Variants in PLPPR4 observed in about 807,000 individuals in gnomAD.
PLPPR4 encodes phospholipid phosphatase related 4.
A neutral mutation model predicts 56.6 loss-of-function variants in PLPPR4; 24 were observed. The observed-to-expected ratio is 0.42, with a 90% CI of 0.31 to 0.60. The LOEUF (loss-of-function observed/expected upper bound fraction) is 0.60. PLPPR4 is among the 20% of genes least tolerant of loss of function. The pLI is 0.13. For synonymous variants in PLPPR4, 326 were observed against 328.1 expected (o/e 0.99, Z 0.07); for missense variants, 654 against 885.8 (o/e 0.74, Z 3.32).
At chr1:99,289,345 T>G (rs1345771180) in intron 2 of PLPPR4, among the ~76,000 whole-genome samples, 3 of 152,134 alleles carry the variant, frequency 2.0e-5, no homozygotes, top group Non-Finnish European at 4.4e-5. Flanking sequence ...GATTTTTTAA[T>G]TCCCCAATAT....
intron 4 of PLPPR4, 44 bp downstream of exon 4, chr1:99,299,274 A>G: frequency 7.1e-7 from 1 of 1,406,286 alleles, no homozygotes; most frequent in Non-Finnish European, 1.0e-6. Context: ...TGTTTTCATT[A>G]TTCAATTGCT....
intron 2 of PLPPR4, among the ~76,000 whole-genome samples, chr1:99,294,511 C>T (rs879600823): frequency 1.3e-5 from 2 of 152,028 alleles, no homozygotes; most frequent in East Asian, 1.9e-4. Flanking sequence ...GCCTGGACAA[C>T]GAGGTGAAAC....
intron 1 of PLPPR4, among the ~76,000 whole-genome samples, chr1:99,273,114 A>G (rs568743048): frequency 6.6e-6 from 1 of 152,256 alleles, no homozygotes; most frequent in South Asian, 2.1e-4. Flanking sequence ...TATGGATGCC[A>G]AGGATAGAAA....
chr1:99,294,712 A>C (rs557979161), intron 2 of PLPPR4, among the ~76,000 whole-genome samples: 80 of 152,060 alleles, frequency 5.3e-4, no homozygotes, highest in Admixed American at 9.8e-4. Context: ...AAAAAAAAAA[A>C]ACTCCTGAAA....
intron 2 of PLPPR4, 145 bp downstream of exon 2, chr1:99,288,295 C>T (rs1659524327): frequency 1.6e-6 from 1 of 632,548 alleles, no homozygotes; most frequent in African/African-American, 1.9e-5. Context: ...TTGACAGTAT[C>T]ATGTGGAAGT....
At chr1:99,264,359 A>G (rs1434221187), upstream of PLPPR4, 1 of 1,111,508 alleles carries the variant, frequency 9.0e-7, no homozygotes, top group Non-Finnish European at 1.2e-6. Flanking sequence ...AACGGGGAGC[A>G]GGAGCCAGAC....
intron 3 of PLPPR4, 33 bp downstream of exon 3, chr1:99,296,900 CT>C (rs5776465): frequency 0.063 from 84,183 of 1,333,308 alleles, 2,112 homozygotes; most frequent in Middle Eastern, 0.08. Flanking sequence ...AAAAGAAATG[CT>C]TTTTTTTTTA....
intron 1 of PLPPR4, among the ~76,000 whole-genome samples, chr1:99,271,831 G>A (rs2100784727): frequency 6.6e-6 from 1 of 151,610 alleles, no homozygotes; most frequent in East Asian, 2.0e-4. Flanking sequence ...CAAGGTAATA[G>A]AAACAGAGAG....
chr1:99,306,989 C>T lies in PLPPR4; in HGVS notation c.2127C>T (p.Pro709=), dbSNP rs375921120. ...ATATCTTCTACAAAGGAACCTCCCC[C>T]ACACGGGCTTATAAGGATTGAGTGA... The part of the protein sequence containing the change: ...TRNIFYKGTS[P]TRAYKD The change falls in exon 7 of 7, where the codon CCC becomes CCT. Residue 709 remains proline (P), a synonymous_variant. Transcript: ENST00000370185. The surrounding 1 kb of genome is among the most constrained non-coding windows in gnomAD (Gnocchi z 4.0). 3.7e-6 allele frequency: 6 copies of T among 1,604,016 alleles called. No individual in the cohort carries two copies. The highest frequency in any genetic ancestry group is 1.1e-5 in the South Asian group (1 of 90,420).
At chr1:99,300,262 C>T (rs1165487350) in intron 4 of PLPPR4, among the ~76,000 whole-genome samples, 1 of 151,878 alleles carries the variant, frequency 6.6e-6, no homozygotes, top group African/African-American at 2.4e-5. Context: ...CTCTATTCTT[C>T]TTTTGCCTGC....
At chr1:99,304,683 G>T (rs1659973298) in intron 6 of PLPPR4, among the ~76,000 whole-genome samples, 1 of 152,276 alleles carries the variant, frequency 6.6e-6, no homozygotes, top group Admixed American at 6.5e-5. Context: ...AAAATTTTCA[G>T]TTCTAAGCCA....
At chr1:99,275,447 T>C (rs114297437) in intron 1 of PLPPR4, among the ~76,000 whole-genome samples, 2 of 152,318 alleles carry the variant, frequency 1.3e-5, no homozygotes, top group African/African-American at 2.4e-5. Flanking sequence ...TTTTTATTAT[T>C]TATTTTTAAA....
chr1:99,270,098 C>A (rs557008644), intron 1 of PLPPR4, among the ~76,000 whole-genome samples: 70 of 151,354 alleles, frequency 4.6e-4, no homozygotes, highest in African/African-American at 1.7e-3. Flanking sequence ...GATCACAGCT[C>A]ACTGCAACCT....
At position 99,306,992 on chromosome 1, in the gene PLPPR4, A is replaced by G; in HGVS notation, c.2130A>G (p.Thr710=). The G allele has an allele frequency of 6.2e-7, 1 of 1,601,714 alleles. No homozygotes were observed. The highest frequency in any genetic ancestry group is 8.5e-7 in the Non-Finnish European group (1 of 1,177,384). The change falls in exon 7 of 7, where the codon ACA becomes ACG. Residue 710 remains threonine, a synonymous_variant. Coordinates refer to ENST00000370185, the MANE Select transcript of PLPPR4 (RefSeq NM_014839.5). This position sits in a 1 kb window ranked among gnomAD's most constrained non-coding sequence, Gnocchi z 4.0. The stretch of plus-strand genomic sequence containing the variant: ...TCTTCTACAAAGGAACCTCCCCCAC[A>G]CGGGCTTATAAGGATTGAGTGATGT... ...RNIFYKGTSP[T]RAYKD is the part of the protein sequence containing the mutation.
intron 1 of PLPPR4, among the ~76,000 whole-genome samples, chr1:99,286,030 G>A (rs1478625608): frequency 6.6e-6 from 1 of 152,148 alleles, no homozygotes; most frequent in Non-Finnish European, 1.5e-5. Context: ...ATTCACACAT[G>A]AATGAATAAA....
chr1:99,266,697 A>G (rs1049363771), intron 1 of PLPPR4, among the ~76,000 whole-genome samples: 1 of 152,222 alleles, frequency 6.6e-6, no homozygotes, highest in East Asian at 1.9e-4. Flanking sequence ...ATGACACTGT[A>G]TCTTGGGGTT....
chr1:99,283,758 T>C (rs1182788868), intron 1 of PLPPR4, among the ~76,000 whole-genome samples: 1 of 152,078 alleles, frequency 6.6e-6, no homozygotes, highest in Non-Finnish European at 1.5e-5. Context: ...AAGACCATCC[T>C]GGCTAACACG....
At chr1:99,265,769 A>G (rs983737028) in intron 1 of PLPPR4, among the ~76,000 whole-genome samples, 10 of 152,240 alleles carry the variant, frequency 6.6e-5, no homozygotes, top group Admixed American at 3.3e-4. Context: ...TGTAAGGCTT[A>G]TCTGTCCTGA....
chr1:99,279,931 C>G (rs898319140), intron 1 of PLPPR4, among the ~76,000 whole-genome samples: 8 of 152,116 alleles, frequency 5.3e-5, no homozygotes, highest in African/African-American at 1.7e-4. Flanking sequence ...CTAATAAATT[C>G]TACTGAAACT....
Sources: allele counts gnomAD v4.1 joint callset (sites outside exome capture counted in the v4.1 genomes callset), GRCh38; gene constraint gnomAD v4.1.1; non-coding constraint Gnocchi (gnomAD v3.1); transcripts MANE v1.5; gene names NCBI Gene and HGNC (gene_info 2026-07-23, HGNC 2026-07-21).